Variants in CIDEA observed in about 807,000 individuals in gnomAD.
CIDEA encodes the protein cell death inducing DFFA like effector a, also known as lipid transferase CIDEA.
CIDEA carries 10 observed loss-of-function variants against 18.2 expected under a neutral mutation model. The observed-to-expected ratio is 0.55, with a 90% CI of 0.34 to 0.93. CIDEA has a LOEUF of 0.93. Ranked by LOEUF, CIDEA falls within the 40% of genes least tolerant of loss-of-function variation. The probability of loss-of-function intolerance (pLI) is 0.02; values close to 1 mark genes in which losing one functional copy is unlikely to be tolerated. For missense variants in CIDEA, 309 were observed against 293.1 expected (o/e 1.05, Z -0.40); for synonymous variants, 128 against 124.8 (o/e 1.03, Z -0.17).
At chr18:12,269,513 A>T (rs1912452957) in intron 3 of CIDEA, among the ~76,000 whole-genome samples, 1 of 152,210 alleles carries the variant, frequency 6.6e-6, no homozygotes, top group Admixed American at 6.5e-5. Flanking sequence ...CAGTGAATCC[A>T]TCAGTCCGTC....
chr18:12,270,719 A>T (rs1358317467), intron 3 of CIDEA, among the ~76,000 whole-genome samples: 33 of 139,198 alleles, frequency 2.4e-4, no homozygotes, highest in African/African-American at 7.9e-4. Context: ...AAAAAAAAGC[A>T]GGTGGGGAGA....
At chr18:12,263,954 C>T (rs73413091) in intron 2 of CIDEA, 2,890 of 177,112 alleles carry the variant, frequency 0.016, 91 homozygotes, top group African/African-American at 0.064. Context: ...CTTAACTTCC[C>T]GGCCGCATGC....
At chr18:12,271,754 A>G (rs1041074561) in intron 3 of CIDEA, among the ~76,000 whole-genome samples, 2 of 152,042 alleles carry the variant, frequency 1.3e-5, no homozygotes, top group Non-Finnish European at 2.9e-5. Flanking sequence ...CCTGGATCCC[A>G]GCCACCTGTA....
At chr18:12,262,313 T>C (rs1334769942) in intron 1 of CIDEA, among the ~76,000 whole-genome samples, 1 of 152,214 alleles carries the variant, frequency 6.6e-6, no homozygotes, top group Non-Finnish European at 1.5e-5. Context: ...CTGTTCTTGG[T>C]TCCTCCTAAG....
rs68102741 is a variant in CIDEA at position 12,270,688 on chromosome 18, C to CAAAAAAAAAAAAAAAAAAAAA, written c.331-3397_331-3377dup. Among the ~76,000 whole-genome samples, 12 of 72,804 alleles carry CAAAAAAAAAAAAAAAAAAAAA rather than the reference C, an allele frequency of 1.6e-4. 1 individual carries two copies. Among genetic ancestry groups the CAAAAAAAAAAAAAAAAAAAAA allele is most frequent in the African/African-American group, 8.4e-4 (10 of 11,928 alleles). The allele number at this position is 72,804 out of a possible 152,430, so 47.8% of individuals were successfully genotyped here. A position where few individuals can be genotyped will look rare whatever the true frequency, so the allele number is the denominator to read the frequency against. On this transcript the variant is annotated intron_variant, in intron 3 of 4. Coordinates refer to ENST00000320477, the MANE Select transcript of CIDEA (RefSeq NM_001279.4). ...GGCGACAGAGCAAGACTCCGTCTCA[C>CAAAAAAAAAAAAAAAAAAAAA]AAAAAAAAAAAAAAAAAAAAAAAAA... is the stretch of plus-strand genomic sequence containing the variant.
intron 1 of CIDEA, among the ~76,000 whole-genome samples, chr18:12,258,879 T>C (rs1276824591): frequency 2.2e-4 from 33 of 152,222 alleles, no homozygotes. Flanking sequence ...AAATTTCAGC[T>C]GCCATGATGA....
rs530156091 is a variant in CIDEA, at chr18:12,274,076, T to A, written c.331-17T>A. Reference sequence around the variant, plus strand: ...TAGGAAGGCTCCTGAAGCCTGCCCCTCCCCCCATTGTCACAGGGCAGCCAG... The same window carrying A: ...TAGGAAGGCTCCTGAAGCCTGCCCCACCCCCCATTGTCACAGGGCAGCCAG... On this transcript the variant is annotated splice_polypyrimidine_tract_variant and intron_variant, in intron 3 of 4. Coordinates refer to ENST00000320477, the MANE Select transcript of CIDEA (RefSeq NM_001279.4). 3.7e-6 allele frequency: 6 copies of A among 1,613,150 alleles called. No individual in the cohort carries two copies. Among genetic ancestry groups the A allele is most frequent in the African/African-American group, 1.3e-5 (1 of 74,960 alleles).
chr18:12,254,668 A>C, intron 1 of CIDEA: 2 of 1,524,798 alleles, frequency 1.3e-6, no homozygotes, highest in Non-Finnish European at 1.8e-6. Flanking sequence ...GCAGCTGGGC[A>C]CAGGTACCAG....
At chr18:12,256,383 T>C (rs1159700335) in intron 1 of CIDEA, among the ~76,000 whole-genome samples, 1 of 152,170 alleles carries the variant, frequency 6.6e-6, no homozygotes, top group Non-Finnish European at 1.5e-5. Flanking sequence ...CAAAAATTTT[T>C]AAAAATCAGG....
chr18:12,269,633 A>T (rs1912456589), intron 3 of CIDEA, among the ~76,000 whole-genome samples: 1 of 152,198 alleles, frequency 6.6e-6, no homozygotes, highest in South Asian at 2.1e-4. Flanking sequence ...TGTGCTGTGG[A>T]AACAGCACTT....
At position 12,254,513 on chromosome 18, in the gene CIDEA, C is replaced by T. The variant is rs139931111; in HGVS notation, c.38+92C>T. 9 of 1,543,068 alleles carry T rather than the reference C, an allele frequency of 5.8e-6. No individual in the cohort carries two copies. In the African/African-American group the frequency reaches 9.5e-5, roughly 16 times the overall value. On this transcript the variant is annotated intron_variant, in intron 1 of 4. Transcript: ENST00000320477. ...TCCCCTGTGCGCCTCTAGTACCGTA[C>T]CCCGCTCCCTTCAGCCCCCTGCTCC...
At position 12,277,313 on chromosome 18, in the gene CIDEA, C is replaced by T. The variant is rs747665961; in HGVS notation, c.*43C>T. On this transcript the variant is annotated 3_prime_UTR_variant, in exon 5 of 5. Coordinates refer to ENST00000320477, the MANE Select transcript of CIDEA (RefSeq NM_001279.4). ...GGCTCTTGAGCCAAACACTGTGTTT[C>T]GTTTGGCTCAATGACGAATGTTGAA... The T allele has an allele frequency of 2.0e-5, 32 of 1,607,612 alleles. No individual in the cohort carries two copies. Among genetic ancestry groups the T allele is most frequent in the Middle Eastern group, 1.6e-4 (1 of 6,066 alleles).
intron 4 of CIDEA, among the ~76,000 whole-genome samples, chr18:12,275,640 A>G (rs1405125221): frequency 6.6e-6 from 1 of 152,106 alleles, no homozygotes; most frequent in Non-Finnish European, 1.5e-5. Flanking sequence ...GGCCTTGACA[A>G]CTGCTCTGAT....
At chr18:12,275,290 C>T (rs1185295643) in intron 4 of CIDEA, among the ~76,000 whole-genome samples, 1 of 152,172 alleles carries the variant, frequency 6.6e-6, no homozygotes, top group African/African-American at 2.4e-5. Flanking sequence ...CCACTGTGAG[C>T]CATAACCACA....
chr18:12,271,617 G>A (rs1239095910), intron 3 of CIDEA, among the ~76,000 whole-genome samples: 2 of 152,228 alleles, frequency 1.3e-5, no homozygotes, highest in African/African-American at 2.4e-5. Context: ...AGGAGTTGGT[G>A]GTGGGCGCTG....
chr18:12,274,910 C>A (rs1912662612), intron 4 of CIDEA, among the ~76,000 whole-genome samples: 1 of 152,220 alleles, frequency 6.6e-6, no homozygotes, highest in African/African-American at 2.4e-5. Flanking sequence ...AACTGGGTGC[C>A]ACCCCTGCCA....
intron 3 of CIDEA, among the ~76,000 whole-genome samples, chr18:12,272,759 CT>C (rs34247446): frequency 9.3e-5 from 14 of 149,934 alleles, no homozygotes; most frequent in African/African-American, 1.2e-4. Context: ...CTTTTTCCTT[CT>C]TTTTTTTTTG....
chr18:12,259,141 A>G (rs1912120402), intron 1 of CIDEA, among the ~76,000 whole-genome samples: 1 of 152,180 alleles, frequency 6.6e-6, no homozygotes, highest in East Asian at 1.9e-4. Context: ...CTGATTGGCT[A>G]GGTGGGTCCC....
chr18:12,267,049 G>A (rs753195217), intron 3 of CIDEA, among the ~76,000 whole-genome samples: 2 of 151,986 alleles, frequency 1.3e-5, no homozygotes, highest in Non-Finnish European at 2.9e-5. Flanking sequence ...GTGAGCCACC[G>A]CACCCGGCCG....
Sources: allele counts gnomAD v4.1 joint callset (sites outside exome capture counted in the v4.1 genomes callset), GRCh38; gene constraint gnomAD v4.1.1; transcripts MANE v1.5; gene names NCBI Gene and HGNC (gene_info 2026-07-23, HGNC 2026-07-21).